Variants in ZDHHC3 observed in about 807,000 individuals in gnomAD.
ZDHHC3 encodes zDHHC palmitoyltransferase 3, also known as palmitoyltransferase ZDHHC3.
ZDHHC3 carries 9 observed loss-of-function variants against 30.6 expected under a neutral mutation model. The observed-to-expected ratio is 0.29, with a 90% CI of 0.18 to 0.51. The LOEUF (loss-of-function observed/expected upper bound fraction) is 0.51, where lower values mean the gene tolerates loss of function less well. Ranked by LOEUF, ZDHHC3 falls within the 20% of genes least tolerant of loss-of-function variation. ZDHHC3 has a pLI of 0.97. For synonymous variants in ZDHHC3, 136 were observed against 140.2 expected (o/e 0.97, Z 0.21); for missense variants, 246 against 384.2 (o/e 0.64, Z 3.01).
intron 2 of ZDHHC3, among the ~76,000 whole-genome samples, chr3:44,954,285 C>T (rs941475680): frequency 6.6e-6 from 1 of 152,162 alleles, no homozygotes; most frequent in Non-Finnish European, 1.5e-5. Context: ...TCCAGTCATG[C>T]ACATCATGAT....
rs560642949 is a variant in ZDHHC3 at position 44,918,741 on chromosome 3, C to T, written c.*7948G>A. On this transcript the variant is annotated 3_prime_UTR_variant, in exon 7 of 7. Transcript: ENST00000424952. ...GTGGGGAGGTAAGGCTGGGCTCAGG[C>T]CTGCTCATGCAGCAGATCCACCCTG... 5.1e-6 allele frequency: 5 copies of T among 988,986 alleles called. No individual in the cohort carries two copies. In the South Asian group the frequency reaches 2.3e-4, roughly 46 times the overall value. The allele number at this position is 988,986 out of a possible 1,614,324, so 61.3% of individuals were successfully genotyped here. A position where few individuals can be genotyped will look rare whatever the true frequency, so the allele number is the denominator to read the frequency against.
chr3:44,918,156 G>C lies in ZDHHC3; in HGVS notation c.*8533C>G. 7.7e-7 allele frequency: 1 copy of C among 1,302,350 alleles called. No homozygotes were observed. The highest frequency in any genetic ancestry group is 1.0e-6 in the Non-Finnish European group (1 of 986,790). 80.7% of individuals were successfully genotyped at this position (1,302,350 alleles called of 1,614,324 possible). ...GGCGCTCGATGCCCTGCAGGGAGAAGGGGATGAAGAACATCGTCAGCGTGG... is the reference window on the plus strand; with the variant it reads ...GGCGCTCGATGCCCTGCAGGGAGAACGGGATGAAGAACATCGTCAGCGTGG... On this transcript the variant is annotated 3_prime_UTR_variant, in exon 7 of 7. Transcript: ENST00000424952.
intron 3 of ZDHHC3, 40 bp from the exon 4 acceptor site, chr3:44,934,024 T>C (rs1326309852): frequency 6.2e-7 from 1 of 1,602,978 alleles, no homozygotes; most frequent in South Asian, 1.1e-5. Flanking sequence ...GGCATCCCCA[T>C]GGTGTTGGGA....
intron 3 of ZDHHC3, among the ~76,000 whole-genome samples, chr3:44,943,775 G>T (rs1702653321): frequency 6.6e-6 from 1 of 152,160 alleles, no homozygotes; most frequent in Non-Finnish European, 1.5e-5. Context: ...GGAGGCTGAG[G>T]TGGGAGGATC....
At chr3:44,938,389 T>A (rs573935171) in intron 3 of ZDHHC3, 7 of 215,878 alleles carry the variant, frequency 3.2e-5, no homozygotes, top group South Asian at 2.4e-4. Context: ...TTCTGGGGAC[T>A]GCCCAGTCTG....
At chr3:44,950,871 C>A (rs1335852891) in intron 2 of ZDHHC3, among the ~76,000 whole-genome samples, 7 of 152,180 alleles carry the variant, frequency 4.6e-5, no homozygotes. Context: ...GTCATGCTTG[C>A]ATTACTGAGA....
chr3:44,973,606 G>C (rs1278219291), intron 1 of ZDHHC3, among the ~76,000 whole-genome samples: 3 of 152,106 alleles, frequency 2.0e-5, no homozygotes, highest in Non-Finnish European at 2.9e-5. Flanking sequence ...TTGCAGGCAT[G>C]CGCCACCATG....
At chr3:44,944,613 C>T (rs755306692) in intron 3 of ZDHHC3, among the ~76,000 whole-genome samples, 10 of 152,094 alleles carry the variant, frequency 6.6e-5, no homozygotes, top group Non-Finnish European at 1.0e-4. Flanking sequence ...TAGATGTCTT[C>T]TCATCAGAAA....
intron 2 of ZDHHC3, among the ~76,000 whole-genome samples, chr3:44,949,162 A>G (rs1703215254): frequency 6.6e-6 from 1 of 152,184 alleles, no homozygotes; most frequent in Non-Finnish European, 1.5e-5. Context: ...AAAGCCTATG[A>G]CAGAAAGTTC....
chr3:44,933,012 T>C (rs1480412655), intron 5 of ZDHHC3, 106 bp downstream of exon 5: 3 of 1,614,024 alleles, frequency 1.9e-6, no homozygotes, highest in Admixed American at 1.7e-5. Flanking sequence ...TTTAATAAAA[T>C]GAGGTTGGCC....
intron 5 of ZDHHC3, among the ~76,000 whole-genome samples, chr3:44,929,853 T>C (rs898136941): frequency 6.6e-6 from 1 of 152,206 alleles, no homozygotes; most frequent in African/African-American, 2.4e-5. Flanking sequence ...AGTCCTGCTA[T>C]GGCCATAGGT....
At chr3:44,942,143 C>A (rs1702493130) in intron 3 of ZDHHC3, among the ~76,000 whole-genome samples, 2 of 152,270 alleles carry the variant, frequency 1.3e-5, no homozygotes, top group Non-Finnish European at 2.9e-5. Flanking sequence ...GTCTCAAATT[C>A]TAAAATGCTG....
At chr3:44,953,028 A>G (rs1354200158) in intron 2 of ZDHHC3, among the ~76,000 whole-genome samples, 1 of 152,266 alleles carries the variant, frequency 6.6e-6, no homozygotes, top group Non-Finnish European at 1.5e-5. Flanking sequence ...TGATACATTT[A>G]TTGAGCACTT....
intron 3 of ZDHHC3, chr3:44,937,886 G>T: frequency 2.1e-6 from 1 of 485,064 alleles, no homozygotes; most frequent in Non-Finnish European, 4.1e-6. Flanking sequence ...GATAGGCCCA[G>T]ATTGACATGG....
In ZDHHC3 at chr3:44,974,262, G is replaced by C. The variant is rs982537314; in HGVS notation, c.-25+1671C>G. 2.7e-5 allele frequency among the ~76,000 whole-genome samples: 4 copies of C among 147,794 alleles called. No individual in the cohort carries two copies. In the East Asian group the frequency reaches 5.8e-4, roughly 21 times the overall value. ...AGTATGGAATTCCCGTCAATTGTGA[G>C]GGGGGGACAGTTCAAATACATGTTC... is the stretch of plus-strand genomic sequence containing the variant. On this transcript the variant is annotated intron_variant, in intron 1 of 6. Transcript: ENST00000424952.
At chr3:44,940,898 C>G (rs935160912) in intron 3 of ZDHHC3, among the ~76,000 whole-genome samples, 6 of 152,192 alleles carry the variant, frequency 3.9e-5, no homozygotes, top group African/African-American at 1.4e-4. Context: ...GGAAACATAG[C>G]CACATTCCAT....
intron 2 of ZDHHC3, chr3:44,958,760 C>T: frequency 8.1e-7 from 1 of 1,240,050 alleles, no homozygotes; most frequent in Admixed American, 2.1e-5. Context: ...CCAATCCTGA[C>T]CCAACCCTCC....
chr3:44,934,025 G>A, intron 3 of ZDHHC3, 41 bp from the exon 4 acceptor site: 1 of 1,592,844 alleles, frequency 6.3e-7, no homozygotes, highest in Non-Finnish European at 8.6e-7. Context: ...GCATCCCCAT[G>A]GTGTTGGGAG....
At chr3:44,972,367 G>A (rs1191233487) in intron 1 of ZDHHC3, among the ~76,000 whole-genome samples, 1 of 152,214 alleles carries the variant, frequency 6.6e-6, no homozygotes, top group Admixed American at 6.5e-5. Context: ...GGAGGCTGAG[G>A]CACAAGAATT....
Sources: gnomAD v4.1 joint callset for allele counts (sites outside exome capture counted in the v4.1 genomes callset) on GRCh38, gnomAD v4.1.1 for gene constraint, MANE v1.5 for transcripts, NCBI Gene and HGNC (gene_info 2026-07-23, HGNC 2026-07-21) for gene names.